The following RFX3 variants were observed in gnomAD, a reference collection of about 807,000 sequenced individuals.
RFX3 encodes the protein regulatory factor X3, also known as transcription factor RFX3.
In RFX3, 14 loss-of-function variants were observed where a neutral mutation model predicts 98.6. The observed-to-expected ratio is 0.14, with a 90% CI of 0.09 to 0.22. The LOEUF is 0.22. Among genes scored for constraint, RFX3 ranks in the 10% least tolerant of loss-of-function variants. The pLI is 1.00. For missense variants in RFX3, 639 were observed against 926.9 expected (o/e 0.69, Z 4.03); for synonymous variants, 383 against 328.4 (o/e 1.17, Z -1.80).
chr9:3,484,542 T>A lies in RFX3; in HGVS notation c.-9+41205A>T, dbSNP rs897543231. Among the ~76,000 whole-genome samples the A allele has an allele frequency of 3.3e-5, 5 of 152,230 alleles. No homozygotes were observed. The East Asian group carries it at 7.7e-4, about 23-fold the overall frequency. On this transcript the variant is annotated intron_variant, in intron 1 of 16. Transcript: ENST00000617270. ...ATAATGTATCTGCCACATTTAACTCTTAAGTACACATTTACTTCCTTTTGA... is the reference window on the plus strand; with the variant it reads ...ATAATGTATCTGCCACATTTAACTCATAAGTACACATTTACTTCCTTTTGA...
chr9:3,278,546 T>A (rs1182294952), intron 7 of RFX3, among the ~76,000 whole-genome samples: 1 of 151,814 alleles, frequency 6.6e-6, no homozygotes, highest in Non-Finnish European at 1.5e-5. Context: ...ATCATTAATA[T>A]GAAGTTACTA....
At chr9:3,353,288 G>A (rs566069915) in intron 2 of RFX3, among the ~76,000 whole-genome samples, 1 of 151,868 alleles carries the variant, frequency 6.6e-6, no homozygotes, top group Admixed American at 6.6e-5. Flanking sequence ...CATGGCACAT[G>A]TATACATATG....
In RFX3 at chr9:3,262,796, T is replaced by A. The variant is rs1823093060; in HGVS notation, c.1605+139A>T. ...CACTACAGCTGTATCTGGGTCAAAC[T>A]CCTCTCTTTCAGAACACTGTGAATA... is the stretch of plus-strand genomic sequence containing the variant. On this transcript the variant is annotated intron_variant, in intron 13 of 16. Transcript: ENST00000617270. The A allele has an allele frequency of 3.4e-6, 3 of 877,960 alleles. No individual in the cohort carries two copies. In the African/African-American group the frequency reaches 5.1e-5, roughly 15 times the overall value. The allele number at this position is 877,960 out of a possible 1,614,324, so 54.4% of individuals were successfully genotyped here. A position where few individuals can be genotyped will look rare whatever the true frequency, so the allele number is the denominator to read the frequency against.
chr9:3,402,262 T>A (rs1425560701), intron 1 of RFX3, among the ~76,000 whole-genome samples: 1 of 152,200 alleles, frequency 6.6e-6, no homozygotes. Context: ...TTGGTTCCAC[T>A]ACACTTACTG....
At chr9:3,413,438 T>C (rs1642141744) in intron 1 of RFX3, among the ~76,000 whole-genome samples, 1 of 152,120 alleles carries the variant, frequency 6.6e-6, no homozygotes, top group African/African-American at 2.4e-5. Flanking sequence ...AGCTTATGAT[T>C]TGTTTAAGTT....
At chr9:3,504,488 A>G (rs1422173259) in intron 1 of RFX3, among the ~76,000 whole-genome samples, 2 of 130,932 alleles carry the variant, frequency 1.5e-5, no homozygotes, top group Non-Finnish European at 3.1e-5. Context: ...TATAAAATAT[A>G]TATTATATGC....
chr9:3,516,215 A>C (rs1818151454), intron 1 of RFX3, among the ~76,000 whole-genome samples: 1 of 151,768 alleles, frequency 6.6e-6, no homozygotes, highest in African/African-American at 2.4e-5. Flanking sequence ...CGCCCAGCTA[A>C]TTTTTTGTAT....
chr9:3,356,584 T>C (rs1197371674), intron 2 of RFX3, among the ~76,000 whole-genome samples: 1 of 151,818 alleles, frequency 6.6e-6, no homozygotes, highest in Non-Finnish European at 1.5e-5. Flanking sequence ...AACACAAATG[T>C]TTTAAAAAAC....
intron 5 of RFX3, among the ~76,000 whole-genome samples, chr9:3,301,192 G>A (rs554838488): frequency 1.3e-5 from 2 of 150,494 alleles, no homozygotes; most frequent in African/African-American, 2.4e-5. Flanking sequence ...GTTTGACAGA[G>A]ATGCAGATTA....
Position 3,275,627 on chromosome 9 carries a change from A to C in RFX3, c.974-15T>G. On this transcript the variant is annotated splice_polypyrimidine_tract_variant and intron_variant, in intron 8 of 16. Coordinates refer to ENST00000617270, the MANE Select transcript of RFX3 (RefSeq NM_001282116.2). Reference sequence around the variant, plus strand: ...TCGAGATGCATCTGTTACCGTGACAACAGAACAGAAAAAAGCTATTGTGGA... The same window carrying C: ...TCGAGATGCATCTGTTACCGTGACACCAGAACAGAAAAAAGCTATTGTGGA... The C allele has an allele frequency of 6.6e-7, 1 of 1,504,408 alleles. No homozygotes were observed. Among genetic ancestry groups the C allele is most frequent in the Non-Finnish European group, 9.2e-7 (1 of 1,082,156 alleles). 93.2% of individuals were successfully genotyped at this position (1,504,408 alleles called of 1,614,324 possible). A position where few individuals can be genotyped will look rare whatever the true frequency, so the allele number is the denominator to read the frequency against.
At chr9:3,255,175 C>A (rs1472906918) in intron 14 of RFX3, among the ~76,000 whole-genome samples, 1 of 151,972 alleles carries the variant, frequency 6.6e-6, no homozygotes, top group East Asian at 1.9e-4. Flanking sequence ...AGAATATGGA[C>A]CAAATCAGTT....
At chr9:3,496,905 C>T (rs1415945315) in intron 1 of RFX3, among the ~76,000 whole-genome samples, 2 of 152,032 alleles carry the variant, frequency 1.3e-5, no homozygotes, top group Non-Finnish European at 2.9e-5. Context: ...CTGTCTCATA[C>T]AGCACAGTTT....
intron 7 of RFX3, among the ~76,000 whole-genome samples, chr9:3,282,548 C>T (rs906855934): frequency 3.2e-4 from 49 of 151,778 alleles, no homozygotes; most frequent in Admixed American, 2.0e-3. Flanking sequence ...TTAGAGAGCA[C>T]CGACAATGTG....
At chr9:3,247,240 T>C (rs1820800405) in intron 15 of RFX3, 1 of 871,310 alleles carries the variant, frequency 1.1e-6, no homozygotes, top group African/African-American at 3.7e-5. Flanking sequence ...TTCCTCATTA[T>C]ATTAACCAGC....
At chr9:3,232,055 CAAG>C (rs1442295905) in intron 15 of RFX3, among the ~76,000 whole-genome samples, 16 of 150,800 alleles carry the variant, frequency 1.1e-4, no homozygotes, top group African/African-American at 3.9e-4. Flanking sequence ...AGCAAGCAAG[CAAG>C]CAAGCAAGCA....
chr9:3,482,068 G>T (rs1005329692), intron 1 of RFX3, among the ~76,000 whole-genome samples: 1 of 151,952 alleles, frequency 6.6e-6, no homozygotes, highest in African/African-American at 2.4e-5. Flanking sequence ...TAATTGGACA[G>T]CTACACAAAG....
intron 11 of RFX3, among the ~76,000 whole-genome samples, chr9:3,269,353 T>A (rs1213683768): frequency 3.9e-5 from 6 of 152,108 alleles, no homozygotes; most frequent in Non-Finnish European, 7.4e-5. Flanking sequence ...CTTCCCCTTT[T>A]GTTCTACTAA....
chr9:3,378,379 C>A (rs985405061), intron 2 of RFX3, among the ~76,000 whole-genome samples: 7 of 152,010 alleles, frequency 4.6e-5, no homozygotes, highest in Non-Finnish European at 1.0e-4. Flanking sequence ...ATCCATTAAT[C>A]CACCTTGCTG....
rs75171669 is a variant in RFX3 at position 3,356,952 on chromosome 9, C to A, written c.118-10188G>T. On this transcript the variant is annotated intron_variant, in intron 2 of 16. Transcript: ENST00000617270. Reference sequence around the variant, plus strand: ...CCATTCATGATTAAACACACACACACATACACACATGCACACACACGCACA... The same window carrying A: ...CCATTCATGATTAAACACACACACAAATACACACATGCACACACACGCACA... 2.1e-5 allele frequency among the ~76,000 whole-genome samples: 3 copies of A among 139,936 alleles called. No homozygotes were observed. In the South Asian group the frequency reaches 6.3e-4, roughly 30 times the overall value. 91.8% of individuals were successfully genotyped at this position (139,936 alleles called of 152,430 possible).
Sources: allele counts gnomAD v4.1 joint callset (sites outside exome capture counted in the v4.1 genomes callset), GRCh38; gene constraint gnomAD v4.1.1; transcripts MANE v1.5; gene names NCBI Gene and HGNC (gene_info 2026-07-23, HGNC 2026-07-21).